BBS7: variants seen among roughly 807,000 people sequenced by gnomAD.
The protein encoded by BBS7 is BBSome complex member BBS7.
BBS7 carries 50 observed loss-of-function variants against 90.3 expected under a neutral mutation model. That is an observed-to-expected ratio of 0.55 (90% CI 0.44 to 0.70). The LOEUF is 0.70. BBS7 is among the 30% of genes least tolerant of loss of function. The pLI, the probability that BBS7 is intolerant of heterozygous loss-of-function variation, is 0.00. For synonymous variants in BBS7, 235 were observed against 287.4 expected (o/e 0.82, Z 1.85); for missense variants, 729 against 838.9 (o/e 0.87, Z 1.62).
chr4:121,825,908 C>T lies in BBS7; in HGVS notation c.2100G>A (p.Leu700=). The T allele has an allele frequency of 1.9e-6, 3 of 1,612,942 alleles. No individual in the cohort carries two copies. The highest frequency in any genetic ancestry group is 2.5e-6 in the Non-Finnish European group (3 of 1,179,386). The change falls in exon 19 of 19, where the codon CTG becomes CTA. Residue 700 remains leucine, a synonymous_variant. Transcript: ENST00000264499. ...TCAATGCATTTTGGTCATAACTGTC[C>T]AGAATTTCCAATAGAAGGGGTACTT... ...KTKVPLLLEI[L]DSYDQNALIS...
intron 6 of BBS7, 53 bp downstream of exon 6, chr4:121,855,436 T>G: frequency 6.6e-7 from 1 of 1,518,042 alleles, no homozygotes; most frequent in Middle Eastern, 1.7e-4. Context: ...TTTCCCATTT[T>G]CACTTACTAT....
rs199782217 is a variant in BBS7 at position 121,825,872 on chromosome 4, G to C, written c.2136C>G (p.Phe712Leu). 6.2e-7 allele frequency: 1 copy of C among 1,612,966 alleles called. No individual in the cohort carries two copies. The highest frequency in any genetic ancestry group is 2.2e-5 in the East Asian group (1 of 44,706). ...SYDQNALISF[F>L]DAA Reference sequence around the variant, plus strand: ...CCTTATTTGTATGTCATGCTGCATCGAAGAATGAAATCAATGCATTTTGGT... The same window carrying C: ...CCTTATTTGTATGTCATGCTGCATCCAAGAATGAAATCAATGCATTTTGGT... The change falls in exon 19 of 19, where the codon TTC becomes TTG. Residue 712 changes from phenylalanine (F) to leucine (L), a missense_variant. Coordinates refer to ENST00000264499, the MANE Select transcript of BBS7 (RefSeq NM_176824.3).
chr4:121,852,897 T>C (rs1332711661), intron 8 of BBS7, 59 bp downstream of exon 8: 44 of 1,530,150 alleles, frequency 2.9e-5, no homozygotes, highest in Non-Finnish European at 3.9e-5. Flanking sequence ...TCAAACCATC[T>C]GTCATCTCTA....
chr4:121,828,457 T>C lies in BBS7; in HGVS notation c.1835A>G (p.Lys612Arg). The C allele has an allele frequency of 6.2e-7, 1 of 1,613,920 alleles. No individual in the cohort carries two copies. Among genetic ancestry groups the C allele is most frequent in the Non-Finnish European group, 8.5e-7 (1 of 1,179,910 alleles). Residue 612 changes from lysine to arginine, a missense_variant, in exon 17 of 19, where the codon AAG becomes AGG. Lys to Arg is a conservative substitution (Grantham distance 26). Coordinates refer to ENST00000264499, the MANE Select transcript of BBS7 (RefSeq NM_176824.3). ...AGCCAAAAGCAACTGGTACTCCAGC[T>C]TTGGGTGGATTAGCTTTAAAGTGTG... ...VKHTLKLIHP[K>R]LEYQLLLAKK...
Position 121,870,360 on chromosome 4 carries a change from G to A in BBS7, c.-47C>T. 1.2e-6 allele frequency: 2 copies of A among 1,612,112 alleles called. No homozygotes were observed. The highest frequency in any genetic ancestry group is 1.1e-5 in the South Asian group (1 of 91,014). ...AGCAGCGCCGGACAAGAACAGGAGG[G>A]ACAGAGGCTTCGGGCCCGCAGGCCT... is the stretch of plus-strand genomic sequence containing the variant. On this transcript the variant is annotated 5_prime_UTR_variant, in exon 1 of 19. Coordinates refer to ENST00000264499, the MANE Select transcript of BBS7 (RefSeq NM_176824.3).
intron 5 of BBS7, among the ~76,000 whole-genome samples, chr4:121,857,655 CTT>C (rs2149083433): frequency 6.6e-6 from 1 of 152,174 alleles, no homozygotes; most frequent in South Asian, 2.1e-4. Flanking sequence ...ATATGGATCT[CTT>C]GTCAAAGCAG....
At chr4:121,827,744 T>G (rs936504816) in intron 18 of BBS7, 26 of 913,764 alleles carry the variant, frequency 2.8e-5, no homozygotes, top group Non-Finnish European at 3.4e-5. Context: ...TATCCTTTAT[T>G]AAATTTTGCC....
At position 121,835,784 on chromosome 4, in the gene BBS7, G is replaced by A. The variant is rs186540893; in HGVS notation, c.1372-501C>T. 1.4e-3 allele frequency among the ~76,000 whole-genome samples: 220 copies of A among 151,984 alleles called. 1 individual carries two copies. Among genetic ancestry groups the A allele is most frequent in the African/African-American group, 5.1e-3 (211 of 41,478 alleles). On this transcript the variant is annotated intron_variant, in intron 13 of 18. Coordinates refer to ENST00000264499, the MANE Select transcript of BBS7 (RefSeq NM_176824.3). ...CATAAGAAAAAAAGCTTTAATATAG[G>A]ACATAACAATTTTATATGAAAAATT...
intron 7 of BBS7, 81 bp downstream of exon 7, chr4:121,854,623 G>T: frequency 7.3e-7 from 1 of 1,364,940 alleles, no homozygotes; most frequent in Non-Finnish European, 9.9e-7. Context: ...AGTATAAATA[G>T]ATAAAATAGA....
At chr4:121,830,303 A>G (rs1400962901) in intron 15 of BBS7, among the ~76,000 whole-genome samples, 3 of 152,218 alleles carry the variant, frequency 2.0e-5, no homozygotes, top group African/African-American at 7.2e-5. Context: ...CAGGAGGCTA[A>G]GGCATTAGAA....
In BBS7 at chr4:121,851,788, T is replaced by C. The variant is rs72917993; in HGVS notation, c.849+1168A>G. Among the ~76,000 whole-genome samples, 727 of 152,340 alleles carry C rather than the reference T, an allele frequency of 4.8e-3. 5 individuals carry two copies. Among genetic ancestry groups the C allele is most frequent in the African/African-American group, 0.017 (701 of 41,580 alleles). On this transcript the variant is annotated intron_variant, in intron 8 of 18. Coordinates refer to ENST00000264499, the MANE Select transcript of BBS7 (RefSeq NM_176824.3). ...AGAAAAGCAACATAGAAAGTGACGATGTGAATCCAAGATGAGGCAGAGTAT... is the reference window on the plus strand; with the variant it reads ...AGAAAAGCAACATAGAAAGTGACGACGTGAATCCAAGATGAGGCAGAGTAT...
intron 12 of BBS7, among the ~76,000 whole-genome samples, chr4:121,842,251 C>CAAAAA (rs1270788731): frequency 3.5e-4 from 23 of 66,604 alleles, no homozygotes; most frequent in East Asian, 1.2e-3. Context: ...GACTCCATCT[C>CAAAAA]AAAAAAAAAA....
chr4:121,847,360 C>G, intron 10 of BBS7, 44 bp downstream of exon 10: 1 of 1,305,176 alleles, frequency 7.7e-7, no homozygotes, highest in South Asian at 1.2e-5. Flanking sequence ...CAACCACACA[C>G]TTCATGAGAT....
Position 121,825,895 on chromosome 4 carries a change from G to T in BBS7, c.2113C>A (p.Gln705Lys). The T allele has an allele frequency of 6.2e-7, 1 of 1,612,978 alleles. No individual in the cohort carries two copies. The highest frequency in any genetic ancestry group is 1.1e-5 in the South Asian group (1 of 91,034). The change falls in exon 19 of 19, where the codon CAA becomes AAA. Residue 705 changes from glutamine to lysine, a missense_variant. Gln to Lys is a moderately conservative substitution (Grantham distance 53, BLOSUM62 1). Transcript: ENST00000264499. Reference protein sequence around the residue: ...LLLEILDSYDQNALISFFDAA With the variant: ...LLLEILDSYDKNALISFFDAA ...TCGAAGAATGAAATCAATGCATTTT[G>T]GTCATAACTGTCCAGAATTTCCAAT...
intron 13 of BBS7, among the ~76,000 whole-genome samples, chr4:121,838,854 CACTGCACTCCAGCCTGGGTGACA>C (rs1725589766): frequency 6.7e-6 from 1 of 150,134 alleles, no homozygotes; most frequent in Non-Finnish European, 1.5e-5. Flanking sequence ...CAGATCATGC[CACTGCACTCCAGCCTGGGTGACA>C]AGAGCACAAG....
chr4:121,870,366 G>T lies in BBS7; in HGVS notation c.-53C>A, dbSNP rs1217804194. 1.9e-6 allele frequency: 3 copies of T among 1,609,202 alleles called. No homozygotes were observed. Among genetic ancestry groups the T allele is most frequent in the Non-Finnish European group, 2.6e-6 (3 of 1,175,776 alleles). ...GCCGGACAAGAACAGGAGGGACAGA[G>T]GCTTCGGGCCCGCAGGCCTCCGACC... On this transcript the variant is annotated 5_prime_UTR_variant, in exon 1 of 19. Coordinates refer to ENST00000264499, the MANE Select transcript of BBS7 (RefSeq NM_176824.3).
chr4:121,852,785 T>TA (rs1042449295), intron 8 of BBS7, among the ~76,000 whole-genome samples, 171 bp downstream of exon 8: 18 of 152,160 alleles, frequency 1.2e-4, no homozygotes, highest in African/African-American at 4.3e-4. Context: ...CAAGAGTCTA[T>TA]TATTCAAACA....
At chr4:121,829,860 G>A (rs957324641) in intron 15 of BBS7, among the ~76,000 whole-genome samples, 1 of 152,108 alleles carries the variant, frequency 6.6e-6, no homozygotes, top group Non-Finnish European at 1.5e-5. Flanking sequence ...ACTGAACAAG[G>A]GATAAAATCT....
chr4:121,826,046 A>C, intron 18 of BBS7, 53 bp from the exon 19 acceptor site: 1 of 1,408,138 alleles, frequency 7.1e-7, no homozygotes. Flanking sequence ...ATTTAATGAC[A>C]CAGTATTTCA....
Sources: allele counts gnomAD v4.1 joint callset (sites outside exome capture counted in the v4.1 genomes callset), GRCh38; gene constraint gnomAD v4.1.1; transcripts MANE v1.5; gene names NCBI Gene and HGNC (gene_info 2026-07-23, HGNC 2026-07-21).